Variants in CHID1 observed in about 807,000 individuals in gnomAD.
The protein encoded by CHID1 is chitinase domain containing 1, also known as chitinase domain-containing protein 1.
A neutral mutation model predicts 55.4 loss-of-function variants in CHID1; 44 were observed. That is an observed-to-expected ratio of 0.79 (90% CI 0.62 to 1.02). CHID1 has a LOEUF of 1.02. CHID1 is among the 50% of genes least tolerant of loss of function. The probability of loss-of-function intolerance (pLI) is 0.00; values close to 1 mark genes in which losing one functional copy is unlikely to be tolerated. For synonymous variants in CHID1, 216 were observed against 212.9 expected (o/e 1.01, Z -0.13); for missense variants, 491 against 515.3 (o/e 0.95, Z 0.46).
chr11:879,573 C>T (rs973892016), intron 10 of CHID1, among the ~76,000 whole-genome samples: 6 of 41,714 alleles, frequency 1.4e-4, no homozygotes, highest in African/African-American at 3.8e-4. Flanking sequence ...TGGGAGGAGC[C>T]GACCCCACCT....
intron 10 of CHID1, among the ~76,000 whole-genome samples, chr11:877,540 C>T (rs181757154): frequency 3.3e-5 from 5 of 152,358 alleles, no homozygotes; most frequent in Non-Finnish European, 7.3e-5. Context: ...GCTGTTGCGC[C>T]AAGCCACACT....
Position 903,186 on chromosome 11 carries a change from T to G in CHID1, c.112-75A>C. 1.4e-6 allele frequency: 2 copies of G among 1,453,670 alleles called. 1 individual carries two copies. Among genetic ancestry groups the G allele is most frequent in the South Asian group, 2.4e-5 (2 of 82,882 alleles). The allele number at this position is 1,453,670 out of a possible 1,614,324, so 90.0% of individuals were successfully genotyped here. On this transcript the variant is annotated intron_variant, in intron 2 of 12. Coordinates refer to ENST00000323578, the MANE Select transcript of CHID1 (RefSeq NM_023947.4). Reference sequence around the variant, plus strand: ...AGAGCACAGAGCCCCACCCAGCAAGTCCCTTCCATTCAGCCAGCAGCCGAG... The same window carrying G: ...AGAGCACAGAGCCCCACCCAGCAAGGCCCTTCCATTCAGCCAGCAGCCGAG...
rs575079842 is a variant in CHID1 at position 881,663 on chromosome 11, G to A, written c.959+1485C>T. ...GTTGGGTGGTGAGAGAAATGACCAC[G>A]TCGGGCTCAGGATGGATGGGATTAA... On this transcript the variant is annotated intron_variant, in intron 10 of 12. Coordinates refer to ENST00000323578, the MANE Select transcript of CHID1 (RefSeq NM_023947.4). Among the ~76,000 whole-genome samples the A allele has an allele frequency of 2.2e-4, 33 of 150,928 alleles. 2 individuals carry two copies. Among genetic ancestry groups the A allele is most frequent in the African/African-American group, 7.6e-4 (31 of 40,820 alleles).
At chr11:899,966 G>T in intron 6 of CHID1, 38 bp downstream of exon 6, 2 of 1,512,226 alleles carry the variant, frequency 1.3e-6, no homozygotes, top group Non-Finnish European at 9.2e-7. Context: ...GGACCCGGGG[G>T]GCTGTGCTCA....
chr11:890,080 C>T (rs1348803325), intron 8 of CHID1, among the ~76,000 whole-genome samples: 2 of 152,200 alleles, frequency 1.3e-5, no homozygotes, highest in Admixed American at 6.5e-5. Flanking sequence ...CTGGCGTCCT[C>T]GCCCCCTCAC....
At chr11:907,878 C>G (rs1341213955) in intron 1 of CHID1, among the ~76,000 whole-genome samples, 1 of 152,190 alleles carries the variant, frequency 6.6e-6, no homozygotes, top group Admixed American at 6.5e-5. Context: ...CAGTGCCTAC[C>G]CTCCTACCCA....
intron 10 of CHID1, among the ~76,000 whole-genome samples, chr11:876,348 C>G (rs1849514669): frequency 6.6e-6 from 1 of 152,192 alleles, no homozygotes; most frequent in African/African-American, 2.4e-5. Flanking sequence ...CCACAGGGTG[C>G]AGATGAACAG....
chr11:883,045 GCC>G (rs1589839402), intron 10 of CHID1, 101 bp downstream of exon 10: 1 of 1,278,078 alleles, frequency 7.8e-7, no homozygotes, highest in East Asian at 2.3e-5. Flanking sequence ...TGGGGCAGAA[GCC>G]CCAGGGGACC....
At chr11:885,983 C>T (rs7116337) in intron 8 of CHID1, among the ~76,000 whole-genome samples, 3 of 151,782 alleles carry the variant, frequency 2.0e-5, no homozygotes, top group Non-Finnish European at 4.4e-5. Context: ...CCCGTCTCTA[C>T]TAAAAATACA....
At chr11:874,036 T>G (rs986538959) in intron 10 of CHID1, among the ~76,000 whole-genome samples, 1 of 152,082 alleles carries the variant, frequency 6.6e-6, no homozygotes, top group Non-Finnish European at 1.5e-5. Flanking sequence ...TGTGTGTGTG[T>G]GTGGGGGGCG....
At chr11:887,975 T>C (rs898496749) in intron 8 of CHID1, among the ~76,000 whole-genome samples, 2 of 152,200 alleles carry the variant, frequency 1.3e-5, no homozygotes, top group Non-Finnish European at 1.5e-5. Flanking sequence ...ATGCTCCCCA[T>C]GCGTCCACCA....
chr11:912,946 A>G (rs1192260710), upstream of CHID1, among the ~76,000 whole-genome samples: 1 of 152,222 alleles, frequency 6.6e-6, no homozygotes, highest in Non-Finnish European at 1.5e-5. Context: ...TAGGAGAATC[A>G]GAACCGAAGT....
intron 8 of CHID1, among the ~76,000 whole-genome samples, chr11:888,721 G>C (rs1850579881): frequency 6.6e-6 from 1 of 152,150 alleles, no homozygotes; most frequent in East Asian, 1.9e-4. Flanking sequence ...TGGGCCCCAT[G>C]CAGGCAGCGG....
At chr11:870,787 G>A (rs912932836) in intron 10 of CHID1, 1 of 371,954 alleles carries the variant, frequency 2.7e-6, no homozygotes, top group African/African-American at 2.1e-5. Context: ...GAAACTGCCT[G>A]AGCCTGAGGG....
chr11:915,211 C>A (rs1173642350), upstream of CHID1, among the ~76,000 whole-genome samples: 1 of 152,226 alleles, frequency 6.6e-6, no homozygotes, highest in African/African-American at 2.4e-5. Context: ...CACAGCAGTT[C>A]TCTGCCTGTG....
chr11:902,212 T>C lies in CHID1; in HGVS notation c.380A>G (p.His127Arg), dbSNP rs779843252. The C allele has an allele frequency of 6.2e-7, 1 of 1,613,988 alleles. No homozygotes were observed. Among genetic ancestry groups the C allele is most frequent in the South Asian group, 1.1e-5 (1 of 91,082 alleles). The change falls in exon 4 of 13, where the codon CAC (histidine) becomes CGC (arginine). Residue 127 changes from histidine (H) to arginine (R), a missense_variant. Coordinates refer to ENST00000323578, the MANE Select transcript of CHID1 (RefSeq NM_023947.4). ...AGGATGAGAACCTTGGTCCACGTCG[T>C]GGAGGCCCGTGACCTCAAACATCTC... ...GREMFEVTGLHDVDQGWMRAV... is the reference protein window; with the variant it reads ...GREMFEVTGLRDVDQGWMRAV...
rs1193860913 is a variant in CHID1 at position 885,100 on chromosome 11, A to G, written c.702-931T>C. ...GCATGGGGGACGCGGCCGGAGGAGC[A>G]GCATGCACTGAAGTGAGGGGAGGGG... On this transcript the variant is annotated intron_variant, in intron 8 of 12. Transcript: ENST00000323578. 5.3e-5 allele frequency among the ~76,000 whole-genome samples: 8 copies of G among 152,352 alleles called. No homozygotes were observed. The South Asian group carries it at 1.2e-3, about 24-fold the overall frequency.
At chr11:894,740 G>C (rs966400564) in intron 7 of CHID1, among the ~76,000 whole-genome samples, 2 of 152,182 alleles carry the variant, frequency 1.3e-5, no homozygotes, top group African/African-American at 4.8e-5. Flanking sequence ...AGTGAGAACC[G>C]GGTTAGGTCA....
chr11:880,608 C>G (rs556185985), intron 10 of CHID1, among the ~76,000 whole-genome samples: 20 of 152,276 alleles, frequency 1.3e-4, no homozygotes, highest in African/African-American at 4.8e-4. Context: ...CTCCTCTACC[C>G]ACTGCTGCCA....
Sources: gnomAD v4.1 joint callset for allele counts (sites outside exome capture counted in the v4.1 genomes callset) on GRCh38, gnomAD v4.1.1 for gene constraint, MANE v1.5 for transcripts, NCBI Gene and HGNC (gene_info 2026-07-23, HGNC 2026-07-21) for gene names.